The following ZNF365 variants were observed in gnomAD, a reference collection of about 807,000 sequenced individuals.
ZNF365 encodes zinc finger protein 365, also known as protein ZNF365.
In ZNF365, 22 loss-of-function variants were observed where a neutral mutation model predicts 35.0. The observed-to-expected ratio is 0.63, with a 90% CI of 0.45 to 0.90. The LOEUF is 0.90. Among genes scored for constraint, ZNF365 ranks in the 40% least tolerant of loss-of-function variants. The pLI is 0.00. For missense variants in ZNF365, 448 were observed against 500.3 expected, an observed-to-expected ratio of 0.90 and a Z score of 1.00; for synonymous variants, 188 against 196.2, an observed-to-expected ratio of 0.96 and a Z score of 0.35.
chr10:62,404,461 C>A (rs1839875607), downstream of ZNF365, among the ~76,000 whole-genome samples: 1 of 152,196 alleles, frequency 6.6e-6, no homozygotes, highest in Admixed American at 6.5e-5. Flanking sequence ...AAAGCGAGCT[C>A]CCTGTCTCTG....
intron 4 of ZNF365, among the ~76,000 whole-genome samples, chr10:62,464,063 C>A (rs1040775556): frequency 2.6e-5 from 4 of 152,116 alleles, no homozygotes; most frequent in Admixed American, 1.3e-4. Flanking sequence ...GCCTCACAAC[C>A]CAGTCTTGAG....
In ZNF365 at chr10:62,376,729, G is replaced by A. The variant is rs200762856; in HGVS notation, c.536G>A (p.Arg179Lys). ...GCTGTGGATAGGACCATTGAGAAGA[G>A]AATTGATAAACTCACCAAAGAGTTG... ...VEAVDRTIEK[R>K]IDKLTKELAQ... The change falls in exon 2 of 5, where the codon AGA becomes AAA. Residue 179 changes from arginine (R) to lysine (K), a missense_variant. Coordinates refer to ENST00000395254, the MANE Select transcript of ZNF365 (RefSeq NM_014951.3). 6.2e-6 allele frequency: 10 copies of A among 1,614,094 alleles called. No individual in the cohort carries two copies. The highest frequency in any genetic ancestry group is 8.5e-6 in the Non-Finnish European group (10 of 1,180,058).
At chr10:62,398,808 T>C in intron 4 of ZNF365, 31 bp downstream of exon 4, 1 of 1,591,866 alleles carries the variant, frequency 6.3e-7, no homozygotes, top group East Asian at 2.2e-5. Flanking sequence ...TTGGGCCATT[T>C]GATAATGTTT....
At chr10:62,397,627 C>A (rs1279140962) in intron 3 of ZNF365, among the ~76,000 whole-genome samples, 1 of 152,104 alleles carries the variant, frequency 6.6e-6, no homozygotes, top group African/African-American at 2.4e-5. Flanking sequence ...CAAGCCCAGC[C>A]ACAAAAGTGC....
chr10:62,383,214 G>T (rs1839470370), intron 2 of ZNF365, among the ~76,000 whole-genome samples: 2 of 152,180 alleles, frequency 1.3e-5, no homozygotes, highest in Non-Finnish European at 2.9e-5. Flanking sequence ...GGTACAGGGG[G>T]TACTTGCAGA....
At chr10:62,440,806 A>G (rs1052325181) in intron 3 of ZNF365, among the ~76,000 whole-genome samples, 5 of 152,218 alleles carry the variant, frequency 3.3e-5, no homozygotes, top group Admixed American at 3.3e-4. Context: ...CTTGTGATTT[A>G]CTCACTTGTG....
intron 3 of ZNF365, among the ~76,000 whole-genome samples, chr10:62,451,396 T>C (rs970310143): frequency 4.6e-5 from 7 of 152,064 alleles, no homozygotes; most frequent in African/African-American, 1.7e-4. Context: ...CTTCATGGCT[T>C]GGCAGCGACA....
chr10:62,398,853 A>G (rs775947969), intron 4 of ZNF365, 76 bp downstream of exon 4: 54 of 1,370,646 alleles, frequency 3.9e-5, no homozygotes, highest in Admixed American at 2.7e-4. Flanking sequence ...TTTATATGAG[A>G]TCGTATCTAT....
At chr10:62,428,916 T>C (rs1475838590) in intron 3 of ZNF365, among the ~76,000 whole-genome samples, 1 of 152,134 alleles carries the variant, frequency 6.6e-6, no homozygotes, top group Non-Finnish European at 1.5e-5. Context: ...ATTTACTGCT[T>C]TTCTTGGGAT....
At chr10:62,454,193 A>G (rs1212548950) in intron 3 of ZNF365, among the ~76,000 whole-genome samples, 1 of 152,200 alleles carries the variant, frequency 6.6e-6, no homozygotes, top group Non-Finnish European at 1.5e-5. Flanking sequence ...ATTGGTAGAT[A>G]AGCAGTTACC....
At position 62,399,521 on chromosome 10, in the gene ZNF365, T is replaced by C; in HGVS notation, c.963-7T>C. 1.9e-6 allele frequency: 3 copies of C among 1,613,678 alleles called. No homozygotes were observed. Among genetic ancestry groups the C allele is most frequent in the Non-Finnish European group, 2.5e-6 (3 of 1,179,750 alleles). On this transcript the variant is annotated splice_polypyrimidine_tract_variant and splice_region_variant and intron_variant, in intron 4 of 4. Coordinates refer to ENST00000395254, the MANE Select transcript of ZNF365 (RefSeq NM_014951.3). ...TCTTCTCCACTCCCCCCTCCAACCC[T>C]CTGTAGAAGCCGAGGGCACCCGCAT...
chr10:62,458,512 T>G (rs967162621), intron 3 of ZNF365, among the ~76,000 whole-genome samples: 1 of 151,152 alleles, frequency 6.6e-6, no homozygotes, highest in Non-Finnish European at 1.5e-5. Flanking sequence ...ATATATAATA[T>G]TGTGTGGGTA....
chr10:62,411,217 C>T (rs979072876), intron 3 of ZNF365, among the ~76,000 whole-genome samples: 4 of 152,136 alleles, frequency 2.6e-5, no homozygotes, highest in South Asian at 2.1e-4. Flanking sequence ...AATTTTCTCC[C>T]GTTTTGTAAG....
chr10:62,469,048 C>T (rs976166166), intron 4 of ZNF365, among the ~76,000 whole-genome samples: 17 of 152,190 alleles, frequency 1.1e-4, no homozygotes, highest in African/African-American at 3.9e-4. Context: ...GAGGTGGAAG[C>T]GACCCATTCA....
chr10:62,408,208 A>G (rs1408191147), intron 3 of ZNF365, among the ~76,000 whole-genome samples: 2 of 152,150 alleles, frequency 1.3e-5, no homozygotes, highest in Non-Finnish European at 2.9e-5. Context: ...GGGAACAACC[A>G]TGAAGTCTTC....
At chr10:62,438,515 G>A (rs1446983092) in intron 3 of ZNF365, among the ~76,000 whole-genome samples, 2 of 151,912 alleles carry the variant, frequency 1.3e-5, no homozygotes, top group East Asian at 3.9e-4. Context: ...AAAGGGGAAA[G>A]ACTACAAAAA....
chr10:62,409,868 C>T (rs1052207630), intron 3 of ZNF365, among the ~76,000 whole-genome samples: 5 of 152,054 alleles, frequency 3.3e-5, no homozygotes, highest in African/African-American at 1.2e-4. Flanking sequence ...ATATAGCCTG[C>T]CAGATATATA....
chr10:62,448,199 C>CT (rs1166666687), intron 3 of ZNF365, among the ~76,000 whole-genome samples: 1 of 152,114 alleles, frequency 6.6e-6, no homozygotes, highest in Non-Finnish European at 1.5e-5. Context: ...AGTGGGCTTT[C>CT]TTTTTGCTAT....
intron 3 of ZNF365, among the ~76,000 whole-genome samples, chr10:62,392,916 G>A (rs910539283): frequency 5.9e-5 from 9 of 152,336 alleles, no homozygotes; most frequent in African/African-American, 2.2e-4. Context: ...ACAGGCGTGA[G>A]CCACCGCACC....
Sources: allele counts gnomAD v4.1 joint callset (sites outside exome capture counted in the v4.1 genomes callset), GRCh38; gene constraint gnomAD v4.1.1; transcripts MANE v1.5; gene names NCBI Gene and HGNC (gene_info 2026-07-23, HGNC 2026-07-21).